The following CEP135 variants were observed in gnomAD, a reference collection of about 807,000 sequenced individuals.
The protein encoded by CEP135 is centrosomal protein 135.
A neutral mutation model predicts 157.3 loss-of-function variants in CEP135; 142 were observed. The observed-to-expected ratio is 0.90, with a 90% CI of 0.79 to 1.04. The LOEUF is 1.04. Among genes scored for constraint, CEP135 ranks in the 50% least tolerant of loss-of-function variants. The pLI, the probability that CEP135 is intolerant of heterozygous loss-of-function variation, is 0.00. For synonymous variants in CEP135, 396 were observed against 439.8 expected, an observed-to-expected ratio of 0.90 and a Z score of 1.25; for missense variants, 1,317 against 1,309.2, an observed-to-expected ratio of 1.01 and a Z score of -0.09.
chr4:56,011,307 C>G, intron 19 of CEP135, 105 bp from the exon 20 acceptor site: 1 of 739,142 alleles, frequency 1.4e-6, no homozygotes, highest in Non-Finnish European at 2.2e-6. Context: ...TTCCTTTTGC[C>G]CTACTCTATC....
chr4:55,972,676 C>T (rs1047648707), intron 10 of CEP135, among the ~76,000 whole-genome samples: 18 of 152,190 alleles, frequency 1.2e-4, no homozygotes, highest in African/African-American at 4.3e-4. Context: ...GACACCTACC[C>T]TGAAAAGTTG....
At position 55,975,844 on chromosome 4, in the gene CEP135, T is replaced by G. The variant is rs185323442; in HGVS notation, c.1473+875T>G. Among the ~76,000 whole-genome samples the G allele has an allele frequency of 3.3e-5, 5 of 152,330 alleles. No homozygotes were observed. In the East Asian group the frequency reaches 9.6e-4, roughly 29 times the overall value. On this transcript the variant is annotated intron_variant, in intron 11 of 25. Coordinates refer to ENST00000257287, the MANE Select transcript of CEP135 (RefSeq NM_025009.5). ...TTTGTCATGTTTTTCCTGAAGATCT[T>G]GTGTCCATTGTCAAACAGTTTTGTC...
At chr4:56,029,579 A>G (rs1252358141) in intron 25 of CEP135, among the ~76,000 whole-genome samples, 2 of 152,240 alleles carry the variant, frequency 1.3e-5, no homozygotes, top group Non-Finnish European at 2.9e-5. Context: ...TTTGTTTTAC[A>G]TGATATTGTG....
At position 56,019,459 on chromosome 4, in the gene CEP135, A is replaced by G. The variant is rs1332034031; in HGVS notation, c.3119A>G (p.Asn1040Ser). The G allele has an allele frequency of 1.9e-6, 3 of 1,614,062 alleles. No homozygotes were observed. Among genetic ancestry groups the G allele is most frequent in the Non-Finnish European group, 2.5e-6 (3 of 1,179,948 alleles). The change falls in exon 23 of 26, where the codon AAC becomes AGC. Residue 1040 changes from asparagine (N) to serine (S), a missense_variant. Physicochemically the swap from Asn to Ser is conservative, Grantham distance 46 (BLOSUM62 1). Transcript: ENST00000257287. Reference sequence around the variant, plus strand: ...AACCTCGAATCATTGTTGGCTACAAACAGAGATAAAGAATTTCATTCTCAC... The same window carrying G: ...AACCTCGAATCATTGTTGGCTACAAGCAGAGATAAAGAATTTCATTCTCAC... ...VKNLESLLAT[N>S]RDKEFHSHLT...
chr4:56,013,439 ATTG>A (rs1730661962), intron 21 of CEP135, among the ~76,000 whole-genome samples: 1 of 152,016 alleles, frequency 6.6e-6, no homozygotes, highest in South Asian at 2.1e-4. Flanking sequence ...CCAAGAAATT[ATTG>A]TTAACTGCAA....
At position 55,949,005 on chromosome 4, in the gene CEP135, C is replaced by G. The variant is rs1352004036; in HGVS notation, c.-100C>G. ...GGACGGAAGGAGCTAGTGGGGGACT[C>G]GAGGCCTGAGGGCAATGCGGCTGGA... is the stretch of plus-strand genomic sequence containing the variant. On this transcript the variant is annotated 5_prime_UTR_variant, in exon 1 of 26. Coordinates refer to ENST00000257287, the MANE Select transcript of CEP135 (RefSeq NM_025009.5). 1 of 152,866 alleles carries G rather than the reference C, an allele frequency of 6.5e-6. No individual in the cohort carries two copies. Among genetic ancestry groups the G allele is most frequent in the African/African-American group, 2.4e-5 (1 of 41,468 alleles). The allele number at this position is 152,866 out of a possible 1,614,324, so 9.5% of individuals were successfully genotyped here. A position where few individuals can be genotyped will look rare whatever the true frequency, so the allele number is the denominator to read the frequency against.
At chr4:55,957,003 A>G (rs1417795287) in intron 4 of CEP135, among the ~76,000 whole-genome samples, 2 of 152,226 alleles carry the variant, frequency 1.3e-5, no homozygotes, top group East Asian at 3.8e-4. Flanking sequence ...TTGCAGGCAT[A>G]TAAAACTTGT....
intron 6 of CEP135, 61 bp from the exon 7 acceptor site, chr4:55,964,213 A>G: frequency 3.4e-6 from 5 of 1,464,724 alleles, no homozygotes; most frequent in Non-Finnish European, 3.7e-6. Context: ...ATGTTTGTAC[A>G]GTGTTAATCA....
rs1364193046 is a variant in CEP135 at position 55,991,225 on chromosome 4, C to T, written c.1858-709C>T. 7.9e-5 allele frequency among the ~76,000 whole-genome samples: 12 copies of T among 152,070 alleles called. No homozygotes were observed. The South Asian group carries it at 1.9e-3, about 24-fold the overall frequency. Reference sequence around the variant, plus strand: ...TCTCTTGACTTCATGATATGCCCACCGTGGCCTCCCATATAATAACTTTAT... The same window carrying T: ...TCTCTTGACTTCATGATATGCCCACTGTGGCCTCCCATATAATAACTTTAT... On this transcript the variant is annotated intron_variant, in intron 14 of 25. Coordinates refer to ENST00000257287, the MANE Select transcript of CEP135 (RefSeq NM_025009.5).
At chr4:55,960,564 T>C (rs1728645457) in intron 6 of CEP135, 2 of 152,212 alleles carry the variant, frequency 1.3e-5, no homozygotes, top group African/African-American at 4.8e-5. Context: ...CAAATATAGA[T>C]GTAACTTAGG....
chr4:55,987,250 A>G (rs1729619704), intron 14 of CEP135, among the ~76,000 whole-genome samples: 1 of 152,068 alleles, frequency 6.6e-6, no homozygotes, highest in African/African-American at 2.4e-5. Flanking sequence ...AGCTCTGAGT[A>G]TTGTTCCCTC....
chr4:55,956,171 T>C (rs1728497413), intron 4 of CEP135, among the ~76,000 whole-genome samples: 1 of 150,560 alleles, frequency 6.6e-6, no homozygotes, highest in South Asian at 2.1e-4. Flanking sequence ...GGCCCAGTTT[T>C]CTTATCCTTA....
intron 17 of CEP135, among the ~76,000 whole-genome samples, chr4:56,000,046 C>T (rs1284170657): frequency 2.0e-5 from 3 of 152,002 alleles, no homozygotes; most frequent in African/African-American, 7.2e-5. Context: ...AAAAAATTAG[C>T]TAGGTGTGGT....
chr4:56,009,184 C>T (rs551896279), intron 18 of CEP135, among the ~76,000 whole-genome samples: 7 of 152,184 alleles, frequency 4.6e-5, no homozygotes, highest in East Asian at 3.9e-4. Context: ...GTTGTTGAGA[C>T]GGAGTCTCGC....
intron 17 of CEP135, among the ~76,000 whole-genome samples, chr4:56,005,015 A>AT (rs1249044449): frequency 7.1e-6 from 1 of 141,396 alleles, no homozygotes; most frequent in Non-Finnish European, 1.5e-5. Flanking sequence ...TGGTTAAGTG[A>AT]TTTTCTCTGG....
chr4:56,019,671 C>T, intron 23 of CEP135, 116 bp downstream of exon 23: 1 of 766,160 alleles, frequency 1.3e-6, no homozygotes, highest in East Asian at 2.8e-5. Flanking sequence ...TGCAGTGGCT[C>T]ACACCTGTAA....
intron 5 of CEP135, among the ~76,000 whole-genome samples, chr4:55,959,284 A>G (rs1159458123): frequency 6.6e-6 from 1 of 152,192 alleles, no homozygotes; most frequent in African/African-American, 2.4e-5. Context: ...AAGTAGTAGT[A>G]GACAATACAG....
At position 55,964,265 on chromosome 4, in the gene CEP135, T is replaced by G; in HGVS notation, c.700-9T>G. 2 of 1,601,376 alleles carry G rather than the reference T, an allele frequency of 1.2e-6. No homozygotes were observed. Among genetic ancestry groups the G allele is most frequent in the Non-Finnish European group, 1.7e-6 (2 of 1,175,778 alleles). On this transcript the variant is annotated splice_polypyrimidine_tract_variant and intron_variant, in intron 6 of 25. Transcript: ENST00000257287. ...ATTTTTTAAAATGACAGCATGACTA[T>G]ATCTTCAGATTGAGCTAAGAGAACG...
intron 22 of CEP135, 84 bp downstream of exon 22, chr4:56,017,941 T>C: frequency 8.7e-7 from 1 of 1,147,254 alleles, no homozygotes; most frequent in Non-Finnish European, 1.2e-6. Context: ...ACACCATGCA[T>C]ATACTTGTTT....
Sources: gnomAD v4.1 joint callset for allele counts (sites outside exome capture counted in the v4.1 genomes callset) on GRCh38, gnomAD v4.1.1 for gene constraint, MANE v1.5 for transcripts, NCBI Gene and HGNC (gene_info 2026-07-23, HGNC 2026-07-21) for gene names.